The following GAB2 variants were observed in gnomAD, a reference collection of about 807,000 sequenced individuals.
The protein encoded by GAB2 is GRB2-associated-binding protein 2.
Under a neutral mutation model 65.5 loss-of-function variants are expected in GAB2, and 26 were observed. The observed-to-expected ratio is 0.40, with a 90% confidence interval of 0.29 to 0.55. The LOEUF (loss-of-function observed/expected upper bound fraction) is 0.55, where lower values mean the gene tolerates loss of function less well. Ranked by LOEUF, GAB2 falls within the 20% of genes least tolerant of loss-of-function variation. GAB2 has a pLI of 0.53. For synonymous variants in GAB2, 321 were observed against 329.6 expected (o/e 0.97, Z 0.28); for missense variants, 884 against 875.8 (o/e 1.01, Z -0.12).
chr11:78,359,554 G>A (rs1486181008), intron 1 of GAB2, among the ~76,000 whole-genome samples: 1 of 152,078 alleles, frequency 6.6e-6, no homozygotes, highest in African/African-American at 2.4e-5. Context: ...CTCACTAAAG[G>A]CAATTCTAAA....
At chr11:78,264,187 G>C (rs1172171526) in intron 2 of GAB2, among the ~76,000 whole-genome samples, 1 of 152,188 alleles carries the variant, frequency 6.6e-6, no homozygotes, top group Admixed American at 6.5e-5. Flanking sequence ...AGATTGGACT[G>C]AATCTACTGA....
intron 3 of GAB2, among the ~76,000 whole-genome samples, chr11:78,245,626 C>A (rs925403575): frequency 1.3e-5 from 2 of 152,164 alleles, no homozygotes; most frequent in African/African-American, 2.4e-5. Context: ...AGGTGAAAAC[C>A]TCACTAGACA....
intron 2 of GAB2, among the ~76,000 whole-genome samples, chr11:78,272,462 CATTT>C: frequency 6.6e-6 from 1 of 152,282 alleles, no homozygotes; most frequent in Middle Eastern, 3.4e-3. Context: ...AGGCTGGAAG[CATTT>C]TACCCCTGCC....
intron 1 of GAB2, among the ~76,000 whole-genome samples, chr11:78,333,495 C>T (rs918985762): frequency 6.6e-6 from 1 of 152,094 alleles, no homozygotes; most frequent in East Asian, 1.9e-4. Context: ...CTCAAACTCC[C>T]GGCCTCAAGA....
intron 1 of GAB2, among the ~76,000 whole-genome samples, chr11:78,327,228 T>C (rs1470304645): frequency 2.0e-5 from 3 of 152,218 alleles, no homozygotes; most frequent in African/African-American, 4.8e-5. Flanking sequence ...GATTCACTAA[T>C]AGCCTATAAG....
chr11:78,267,213 T>C (rs1353243719), intron 2 of GAB2, among the ~76,000 whole-genome samples: 1 of 152,206 alleles, frequency 6.6e-6, no homozygotes, highest in African/African-American at 2.4e-5. Context: ...TAACCATAGC[T>C]AGCACACAAG....
intron 1 of GAB2, among the ~76,000 whole-genome samples, chr11:78,407,314 A>G (rs2135090446): frequency 6.6e-6 from 1 of 152,200 alleles, no homozygotes; most frequent in African/African-American, 2.4e-5. Context: ...TAAAGAGAAA[A>G]AAAATCATTG....
At chr11:78,370,911 C>A (rs1856563674) in intron 1 of GAB2, among the ~76,000 whole-genome samples, 1 of 152,134 alleles carries the variant, frequency 6.6e-6, no homozygotes, top group Non-Finnish European at 1.5e-5. Flanking sequence ...TGGGGAAGAA[C>A]ACACCCCACG....
chr11:78,239,035 A>AT, intron 3 of GAB2, among the ~76,000 whole-genome samples: 2 of 152,096 alleles, frequency 1.3e-5, no homozygotes, highest in Middle Eastern at 6.8e-3. Flanking sequence ...CAACACCACT[A>AT]ATCATTAGGG....
intron 1 of GAB2, among the ~76,000 whole-genome samples, chr11:78,402,553 AC>A (rs1195745941): frequency 2.2e-4 from 28 of 128,176 alleles, no homozygotes; most frequent in Non-Finnish European, 2.8e-4. Context: ...CCTCAGCCGC[AC>A]CCCCCCACCC....
chr11:78,253,790 A>G (rs556407321), intron 2 of GAB2, among the ~76,000 whole-genome samples: 1 of 152,338 alleles, frequency 6.6e-6, no homozygotes, highest in Non-Finnish European at 1.5e-5. Context: ...GACAAAATTC[A>G]ATAAATACGC....
At chr11:78,246,562 G>A (rs528035814) in intron 3 of GAB2, among the ~76,000 whole-genome samples, 10 of 151,994 alleles carry the variant, frequency 6.6e-5, no homozygotes, top group Non-Finnish European at 1.5e-4. Flanking sequence ...GCAGTGGCGT[G>A]ATCTCGGCCC....
chr11:78,297,801 A>C (rs1213803541), intron 1 of GAB2, among the ~76,000 whole-genome samples: 1 of 152,206 alleles, frequency 6.6e-6, no homozygotes, highest in Non-Finnish European at 1.5e-5. Context: ...TATATTATTC[A>C]CATATTATTT....
At position 78,417,711 on chromosome 11, in the gene GAB2, C is replaced by A; in HGVS notation, c.10G>T (p.Gly4Cys). 1 of 1,341,068 alleles carries A rather than the reference C, an allele frequency of 7.5e-7. No homozygotes were observed. The highest frequency in any genetic ancestry group is 2.3e-5 in the Admixed American group (1 of 43,086). The allele number at this position is 1,341,068 out of a possible 1,614,324, so 83.1% of individuals were successfully genotyped here. A position where few individuals can be genotyped will look rare whatever the true frequency, so the allele number is the denominator to read the frequency against. MSG[G>C]GDVVCTGWLR... ...CAGCCGGTGCACACCACGTCGCCGCCGCCGCTCATGCTGCCGGCCTGGAGC... is the reference window on the plus strand; with the variant it reads ...CAGCCGGTGCACACCACGTCGCCGCAGCCGCTCATGCTGCCGGCCTGGAGC... The change falls in exon 1 of 10, where the codon GGC (glycine) becomes TGC (cysteine). Residue 4 changes from glycine (G) to cysteine (C), a missense_variant. Physicochemically the swap from Gly to Cys is radical, Grantham distance 159. Coordinates refer to ENST00000361507, the MANE Select transcript of GAB2 (RefSeq NM_080491.3).
chr11:78,273,444 A>G (rs1020282289), intron 2 of GAB2, among the ~76,000 whole-genome samples: 14 of 152,230 alleles, frequency 9.2e-5, no homozygotes, highest in African/African-American at 3.4e-4. Context: ...TGACTGCCCC[A>G]CTGGATTTTG....
chr11:78,263,359 C>T (rs1678342973), intron 2 of GAB2, among the ~76,000 whole-genome samples: 1 of 146,258 alleles, frequency 6.8e-6, no homozygotes. Context: ...TCTGGCCGGG[C>T]GCAGTCACTC....
In GAB2 at chr11:78,215,947, G is replaced by C. The variant is rs1480269050; in HGVS notation, c.*3325C>G. On this transcript the variant is annotated 3_prime_UTR_variant, in exon 10 of 10. Coordinates refer to ENST00000361507, the MANE Select transcript of GAB2 (RefSeq NM_080491.3). ...CTGAGCCCATGCTCCAGTAACTTCA[G>C]AATGGTTGTGCTTTTGTCACAGGAA... 6.5e-6 allele frequency: 1 copy of C among 152,702 alleles called. No individual in the cohort carries two copies. The highest frequency in any genetic ancestry group is 1.5e-5 in the Non-Finnish European group (1 of 68,084). The allele number at this position is 152,702 out of a possible 1,614,324, so 9.5% of individuals were successfully genotyped here.
chr11:78,227,930 A>C (rs1864731032), intron 3 of GAB2, among the ~76,000 whole-genome samples: 1 of 152,228 alleles, frequency 6.6e-6, no homozygotes, highest in South Asian at 2.1e-4. Flanking sequence ...AGAGACCTAG[A>C]AATCTATATG....
chr11:78,277,529 T>A (rs73496751), intron 2 of GAB2, among the ~76,000 whole-genome samples: 3 of 152,218 alleles, frequency 2.0e-5, no homozygotes, highest in African/African-American at 7.2e-5. Flanking sequence ...TCTCAGGAGA[T>A]AGGCAAGTCT....
Sources: allele counts gnomAD v4.1 joint callset (sites outside exome capture counted in the v4.1 genomes callset), GRCh38; gene constraint gnomAD v4.1.1; transcripts MANE v1.5; gene names NCBI Gene and HGNC (gene_info 2026-07-23, HGNC 2026-07-21).